The following TENM3 variants were observed in gnomAD, a reference collection of about 807,000 sequenced individuals.
TENM3 encodes the protein teneurin transmembrane protein 3.
A neutral mutation model predicts 255.1 loss-of-function variants in TENM3; 63 were observed. The ratio of observed to expected loss-of-function variants is 0.25; its 90% CI spans 0.20 to 0.30. The LOEUF (loss-of-function observed/expected upper bound fraction) is 0.30, where lower values mean the gene tolerates loss of function less well. Among genes scored for constraint, TENM3 ranks in the 10% least tolerant of loss-of-function variants. TENM3 has a pLI of 1.00. For synonymous variants in TENM3, 1,306 were observed against 1,322.3 expected, an observed-to-expected ratio of 0.99 and a Z score of 0.27; for missense variants, 2,929 against 3,461.1, an observed-to-expected ratio of 0.85 and a Z score of 3.86.
At chr4:181,856,078 G>GGAAGGAAAGAAGGAA in the TENM3 span, among the ~76,000 whole-genome samples, 26 of 48,534 alleles carry the variant, frequency 5.4e-4, no homozygotes, top group African/African-American at 1.3e-3. Flanking sequence ...AAAGGAAGAA[G>GGAAGGAAAGAAGGAA]GAAGGAAGGA....
In TENM3 at chr4:182,206,887, T is replaced by C. The variant is rs141119098; in HGVS notation, c.-76+62133T>C. Among the ~76,000 whole-genome samples the C allele has an allele frequency of 9.8e-5, 15 of 152,330 alleles. No individual in the cohort carries two copies. In the East Asian group the frequency reaches 2.9e-3, roughly 29 times the overall value. Reference sequence around the variant, plus strand: ...AAAATTCCCGTTCTTTCTTTCTCTCTCTTTTTAATTTGTAAAATTCCTATC... The same window carrying C: ...AAAATTCCCGTTCTTTCTTTCTCTCCCTTTTTAATTTGTAAAATTCCTATC... On this transcript the variant is annotated intron_variant, in intron 1 of 2. Coordinates refer to the TENM3 transcript ENST00000512480.
intron 12 of TENM3, among the ~76,000 whole-genome samples, chr4:182,701,490 G>A (rs974448736): frequency 5.3e-5 from 8 of 151,860 alleles, no homozygotes; most frequent in Non-Finnish European, 1.5e-5. Flanking sequence ...AATATGCTGG[G>A]ATTACAGGCG....
chr4:182,178,031 G>T (rs1752620642), intron 1 of TENM3, among the ~76,000 whole-genome samples: 1 of 148,806 alleles, frequency 6.7e-6, no homozygotes, highest in African/African-American at 2.5e-5. Context: ...ATGTATGCAG[G>T]ATGTATGCAT....
intron 1 of TENM3, among the ~76,000 whole-genome samples, chr4:182,218,244 T>G (rs745406018): frequency 3.9e-5 from 6 of 152,140 alleles, no homozygotes; most frequent in Non-Finnish European, 8.8e-5. Context: ...AAGACCATCT[T>G]GAGAGCCTCA....
chr4:181,577,077 A>T, the TENM3 span, among the ~76,000 whole-genome samples: 1 of 80,812 alleles, frequency 1.2e-5, no homozygotes, highest in East Asian at 2.8e-4. Flanking sequence ...TATATAAATA[A>T]TATATAATAT....
intron 3 of TENM3, among the ~76,000 whole-genome samples, chr4:182,428,596 C>T (rs1771401459): frequency 6.6e-6 from 1 of 151,792 alleles, no homozygotes; most frequent in Admixed American, 6.6e-5. Flanking sequence ...ATCCAAGTTA[C>T]AGGAGTGATG....
the TENM3 span, among the ~76,000 whole-genome samples, chr4:181,522,192 A>C: frequency 6.6e-6 from 1 of 151,884 alleles, no homozygotes; most frequent in African/African-American, 2.4e-5. Flanking sequence ...GAGCAGATAC[A>C]TCATTATACT....
chr4:182,597,982 C>A (rs766956667), intron 3 of TENM3, among the ~76,000 whole-genome samples: 1 of 152,104 alleles, frequency 6.6e-6, no homozygotes, highest in Non-Finnish European at 1.5e-5. Context: ...GAGTTCGAGA[C>A]CAGTCTGGGC....
the TENM3 span, among the ~76,000 whole-genome samples, chr4:181,486,967 A>G: frequency 2.6e-5 from 4 of 152,216 alleles, no homozygotes; most frequent in Non-Finnish European, 5.9e-5. Context: ...AAAAATTTAA[A>G]TGTGACTCAT....
At chr4:181,877,654 AC>A in the TENM3 span, among the ~76,000 whole-genome samples, 1 of 151,968 alleles carries the variant, frequency 6.6e-6, no homozygotes, top group Non-Finnish European at 1.5e-5. Flanking sequence ...TTAACCACCC[AC>A]CCCTGTGGTA....
At chr4:181,991,407 T>C in the TENM3 span, among the ~76,000 whole-genome samples, 29 of 152,074 alleles carry the variant, frequency 1.9e-4, no homozygotes, top group Non-Finnish European at 4.0e-4. Flanking sequence ...TGGAAATAAG[T>C]TATGTAAAAG....
chr4:181,978,126 C>G, the TENM3 span, among the ~76,000 whole-genome samples: 1 of 152,158 alleles, frequency 6.6e-6, no homozygotes, highest in Non-Finnish European at 1.5e-5. Context: ...CAGAATGAAT[C>G]ATTTTAAAGT....
chr4:182,246,071 C>G (rs1757623102), intron 1 of TENM3, among the ~76,000 whole-genome samples: 1 of 152,168 alleles, frequency 6.6e-6, no homozygotes, highest in Non-Finnish European at 1.5e-5. Context: ...TTATGTTGAA[C>G]AAACAGAGGC....
At chr4:181,817,301 T>C in the TENM3 span, among the ~76,000 whole-genome samples, 1 of 152,178 alleles carries the variant, frequency 6.6e-6, no homozygotes, top group Non-Finnish European at 1.5e-5. Context: ...CAGGGGTCAT[T>C]ATAGGAAGTT....
At chr4:181,555,125 T>C in the TENM3 span, among the ~76,000 whole-genome samples, 2 of 152,240 alleles carry the variant, frequency 1.3e-5, no homozygotes, top group African/African-American at 4.8e-5. Flanking sequence ...TAACATTTAT[T>C]GAGTGATTCC....
chr4:181,532,077 A>G, the TENM3 span, among the ~76,000 whole-genome samples: 46 of 152,198 alleles, frequency 3.0e-4, no homozygotes, highest in Non-Finnish European at 4.7e-4. Flanking sequence ...GTAGCACAGA[A>G]AAATGTGTTA....
chr4:182,165,924 G>A (rs372537264), intron 1 of TENM3, among the ~76,000 whole-genome samples: 4 of 152,200 alleles, frequency 2.6e-5, no homozygotes, highest in South Asian at 2.1e-4. Flanking sequence ...GATTACAGGC[G>A]TGTGCCACCA....
rs188630563 is a variant in TENM3, at chr4:182,411,799, T to C, written c.511+64870T>C. 3.3e-4 allele frequency among the ~76,000 whole-genome samples: 51 copies of C among 152,298 alleles called. 1 individual carries two copies. The highest frequency in any genetic ancestry group is 7.8e-4 in the Admixed American group (12 of 15,294). ...TGTAAAGAGGGCATTATCATGTGAG[T>C]TCATACTTTCATTCATACACCTTTT... On this transcript the variant is annotated intron_variant, in intron 3 of 27. Coordinates refer to ENST00000511685, the MANE Select transcript of TENM3 (RefSeq NM_001080477.4).
At chr4:181,540,901 C>T in the TENM3 span, among the ~76,000 whole-genome samples, 5 of 149,280 alleles carry the variant, frequency 3.3e-5, no homozygotes, top group East Asian at 9.7e-4. Flanking sequence ...GAAATATTTC[C>T]CTATTGGCTC....
Sources: allele counts gnomAD v4.1 joint callset (sites outside exome capture counted in the v4.1 genomes callset), GRCh38; gene constraint gnomAD v4.1.1; transcripts MANE v1.5; gene names NCBI Gene and HGNC (gene_info 2026-07-23, HGNC 2026-07-21).